The following OPCML variants were observed in gnomAD, a reference collection of about 807,000 sequenced individuals.
The protein encoded by OPCML is opioid-binding protein/cell adhesion molecule.
Under a neutral mutation model 37.8 loss-of-function variants are expected in OPCML, and 13 were observed. The observed-to-expected ratio is 0.34, with a 90% CI of 0.22 to 0.55. OPCML has a LOEUF of 0.55. OPCML is among the 20% of genes least tolerant of loss of function. The pLI, the probability that OPCML is intolerant of heterozygous loss-of-function variation, is 0.91. For missense variants in OPCML, 341 were observed against 435.6 expected (o/e 0.78, Z 1.93); for synonymous variants, 176 against 168.8 (o/e 1.04, Z -0.33).
At chr11:132,723,423 G>A (rs1281338893) in intron 2 of OPCML, among the ~76,000 whole-genome samples, 1 of 152,176 alleles carries the variant, frequency 6.6e-6, no homozygotes, top group African/African-American at 2.4e-5. Context: ...ATATAGGTCG[G>A]TTAATCACTC....
At chr11:132,711,520 C>T (rs1014252420) in intron 2 of OPCML, among the ~76,000 whole-genome samples, 41 of 152,314 alleles carry the variant, frequency 2.7e-4, no homozygotes, top group African/African-American at 8.9e-4. Flanking sequence ...TTTATGTCCA[C>T]TTACCTTTGA....
At chr11:133,258,911 G>A (rs7127699) in intron 1 of OPCML, among the ~76,000 whole-genome samples, 41,514 of 152,124 alleles carry the variant, frequency 0.27, 6,632 homozygotes, top group African/African-American at 0.45. Flanking sequence ...AAAAACTGCA[G>A]TGGAACAGCA....
At chr11:133,418,067 T>A in intron 1 of OPCML, 1 of 985,352 alleles carries the variant, frequency 1.0e-6, no homozygotes, top group Non-Finnish European at 1.2e-6. Context: ...TTGAACACAG[T>A]GCTACTTACA....
rs116217924 is a variant in OPCML, at chr11:133,423,012, C to T, written c.61+109252G>A. On this transcript the variant is annotated intron_variant, in intron 1 of 7. Transcript: ENST00000524381. ...AGTGCCTTACTTCCTTCTTCCTTCTCCACTGTGCCATCCAAGGAACCTCTA... is the reference window on the plus strand; with the variant it reads ...AGTGCCTTACTTCCTTCTTCCTTCTTCACTGTGCCATCCAAGGAACCTCTA... 114 of 985,374 alleles carry T rather than the reference C, an allele frequency of 1.2e-4. 1 individual carries two copies. In the African/African-American group the frequency reaches 1.8e-3, roughly 16 times the overall value. The allele number at this position is 985,374 out of a possible 1,614,324, so 61.0% of individuals were successfully genotyped here.
intron 2 of OPCML, among the ~76,000 whole-genome samples, chr11:132,874,050 G>C (rs2725422): frequency 0.097 from 14,760 of 152,200 alleles, 910 homozygotes; most frequent in South Asian, 0.29. Flanking sequence ...TCAGGGTTAA[G>C]TTTCCTGTTA....
At chr11:133,098,810 A>G (rs559548446) in intron 1 of OPCML, among the ~76,000 whole-genome samples, 16 of 152,328 alleles carry the variant, frequency 1.1e-4, no homozygotes, top group Non-Finnish European at 2.2e-4. Flanking sequence ...TGTATTGGAA[A>G]TTCTAACCAA....
intron 1 of OPCML, among the ~76,000 whole-genome samples, chr11:133,316,359 C>T (rs1943204542): frequency 6.6e-6 from 1 of 152,208 alleles, no homozygotes; most frequent in African/African-American, 2.4e-5. Context: ...TTATTCTGTT[C>T]CCAGGCTAAT....
chr11:133,010,824 A>T (rs765321800), intron 1 of OPCML, among the ~76,000 whole-genome samples: 5 of 152,228 alleles, frequency 3.3e-5, no homozygotes, highest in Non-Finnish European at 7.3e-5. Flanking sequence ...ATAAAAAGCC[A>T]TGCCACCAAA....
intron 1 of OPCML, among the ~76,000 whole-genome samples, chr11:133,266,098 G>T (rs989736118): frequency 6.6e-6 from 1 of 152,072 alleles, no homozygotes; most frequent in Non-Finnish European, 1.5e-5. Flanking sequence ...TCAAGTCAGG[G>T]TAACCAATCC....
chr11:132,712,835 TAC>T (rs1944322366), intron 2 of OPCML, among the ~76,000 whole-genome samples: 1 of 151,938 alleles, frequency 6.6e-6, no homozygotes, highest in Non-Finnish European at 1.5e-5. Flanking sequence ...ACATGCAGTT[TAC>T]AAAGAAAGAA....
At chr11:133,402,309 A>G (rs1488889709) in intron 1 of OPCML, among the ~76,000 whole-genome samples, 1 of 152,158 alleles carries the variant, frequency 6.6e-6, no homozygotes, top group African/African-American at 2.4e-5. Flanking sequence ...GAGTTCATTC[A>G]TGAAGGCAGG....
intron 1 of OPCML, among the ~76,000 whole-genome samples, chr11:133,060,204 C>T (rs535780965): frequency 5.3e-4 from 80 of 151,392 alleles, no homozygotes; most frequent in African/African-American, 1.9e-3. Flanking sequence ...CCCTCTCCCT[C>T]TCCCTCCCCC....
chr11:132,762,063 G>A (rs1028082635), intron 2 of OPCML, among the ~76,000 whole-genome samples: 4 of 152,164 alleles, frequency 2.6e-5, no homozygotes, highest in Non-Finnish European at 5.9e-5. Context: ...TAACAGTCAG[G>A]CCCCTCTTCT....
chr11:132,458,276 G>T (rs570511655), intron 4 of OPCML, among the ~76,000 whole-genome samples: 1 of 152,296 alleles, frequency 6.6e-6, no homozygotes, highest in South Asian at 2.1e-4. Flanking sequence ...CAACTAACAT[G>T]CATAGAAGAT....
Position 133,397,252 on chromosome 11 carries a change from G to A in OPCML, c.61+135012C>T, listed in dbSNP as rs1945307566. Among the ~76,000 whole-genome samples, 4 of 152,098 alleles carry A rather than the reference G, an allele frequency of 2.6e-5. No homozygotes were observed. The South Asian group carries it at 8.3e-4, about 31-fold the overall frequency. On this transcript the variant is annotated intron_variant, in intron 1 of 7. Transcript: ENST00000524381. ...GGTCTATGTCTCTTCCTTTTTCTAT[G>A]TTTCCCTTCAATACCTAGGGATATA...
intron 2 of OPCML, among the ~76,000 whole-genome samples, chr11:132,780,669 A>G (rs1232374326): frequency 1.3e-5 from 2 of 152,216 alleles, no homozygotes; most frequent in Non-Finnish European, 2.9e-5. Flanking sequence ...ACCAGTAAGT[A>G]GTCCAGGTCC....
At chr11:133,395,566 G>T (rs778497145) in intron 1 of OPCML, among the ~76,000 whole-genome samples, 1 of 151,900 alleles carries the variant, frequency 6.6e-6, no homozygotes, top group African/African-American at 2.4e-5. Context: ...TTTGATTCTT[G>T]TATATGGCAA....
intron 3 of OPCML, among the ~76,000 whole-genome samples, chr11:132,554,883 T>TTTTTCTTTTTTC: frequency 8.0e-6 from 1 of 125,740 alleles, no homozygotes; most frequent in East Asian, 3.5e-4. Flanking sequence ...TTTTTTTTTT[T>TTTTTCTTTTTTC]TTTTTTTTCA....
chr11:133,003,526 T>C (rs1947051216), intron 1 of OPCML, among the ~76,000 whole-genome samples: 1 of 152,180 alleles, frequency 6.6e-6, no homozygotes, highest in Non-Finnish European at 1.5e-5. Flanking sequence ...CATTTCAAGA[T>C]CCTTCATTTA....
Sources: gnomAD v4.1 joint callset for allele counts (sites outside exome capture counted in the v4.1 genomes callset) on GRCh38, gnomAD v4.1.1 for gene constraint, MANE v1.5 for transcripts, NCBI Gene and HGNC (gene_info 2026-07-23, HGNC 2026-07-21) for gene names.